CTNND2: variants seen among roughly 807,000 people sequenced by gnomAD.
The protein encoded by CTNND2 is catenin delta 2.
In CTNND2, 22 loss-of-function variants were observed where a neutral mutation model predicts 144.4. The ratio of observed to expected loss-of-function variants is 0.15; its 90% CI spans 0.11 to 0.22. The LOEUF (loss-of-function observed/expected upper bound fraction) is 0.22. Among genes scored for constraint, CTNND2 ranks in the 10% least tolerant of loss-of-function variants. CTNND2 has a pLI of 1.00. For synonymous variants in CTNND2, 751 were observed against 695.6 expected (o/e 1.08, Z -1.25); for missense variants, 1,353 against 1,618.8 (o/e 0.84, Z 2.82).
intron 1 of CTNND2, among the ~76,000 whole-genome samples, chr5:11,751,355 A>G (rs1788606511): frequency 2.0e-5 from 3 of 151,768 alleles, no homozygotes; most frequent in Admixed American, 6.6e-5. Flanking sequence ...ATAGTAGACA[A>G]TAGGTAGTTG....
intron 9 of CTNND2, among the ~76,000 whole-genome samples, chr5:11,342,612 T>C (rs1754387600): frequency 6.6e-6 from 1 of 152,244 alleles, no homozygotes; most frequent in Non-Finnish European, 1.5e-5. Flanking sequence ...CGATTAAAAG[T>C]TGCTATTACT....
intron 2 of CTNND2, among the ~76,000 whole-genome samples, chr5:11,667,884 T>A (rs897195043): frequency 2.6e-5 from 4 of 152,224 alleles, no homozygotes; most frequent in African/African-American, 9.7e-5. Flanking sequence ...TATTCTAGGT[T>A]TTTATGGTTT....
intron 7 of CTNND2, among the ~76,000 whole-genome samples, chr5:11,376,399 T>C (rs1162601551): frequency 2.0e-5 from 3 of 150,848 alleles, no homozygotes; most frequent in Non-Finnish European, 2.9e-5. Context: ...CTACATCAAT[T>C]TTCTATTTTG....
chr5:11,762,320 T>A (rs1789311353), intron 1 of CTNND2, among the ~76,000 whole-genome samples: 1 of 152,120 alleles, frequency 6.6e-6, no homozygotes, highest in South Asian at 2.1e-4. Context: ...TTCAAGGTCA[T>A]ACCCTGAGTC....
Position 11,306,461 on chromosome 5 carries a change from T to C in CTNND2, c.1628+39911A>G, listed in dbSNP as rs193226101. ...TTAGGAAAACAGGCTCCAGGAGCTA[T>C]CATGGGGTGGATCCGAGGATGTCTG... On this transcript the variant is annotated intron_variant, in intron 9 of 21. Transcript: ENST00000304623. Among the ~76,000 whole-genome samples, 90 of 152,310 alleles carry C rather than the reference T, an allele frequency of 5.9e-4. No homozygotes were observed. The East Asian group carries it at 0.017, about 29-fold the overall frequency.
intron 9 of CTNND2, among the ~76,000 whole-genome samples, chr5:11,312,274 C>T (rs1751054900): frequency 6.6e-6 from 1 of 150,844 alleles, no homozygotes; most frequent in Non-Finnish European, 1.5e-5. Flanking sequence ...TCTCCCCCTA[C>T]CCCCCCAACA....
rs1238436271 is a variant in CTNND2, at chr5:11,623,110, TAGTA to T, written c.175-58058_175-58055del. ...CAGCAGAAATAGTCCTTCCTCCATGTAGTACATGAGACTTTCAGCCTCCAGACAG... is the reference window on the plus strand; with the variant it reads ...CAGCAGAAATAGTCCTTCCTCCATGTCATGAGACTTTCAGCCTCCAGACAG... On this transcript the variant is annotated intron_variant, in intron 2 of 21. Coordinates refer to ENST00000304623, the MANE Select transcript of CTNND2 (RefSeq NM_001332.4). Among the ~76,000 whole-genome samples, 3 of 152,196 alleles carry T rather than the reference TAGTA, an allele frequency of 2.0e-5. No homozygotes were observed. In the East Asian group the frequency reaches 5.8e-4, roughly 29 times the overall value.
chr5:11,211,526 G>A (rs1273905930), intron 10 of CTNND2, among the ~76,000 whole-genome samples: 3 of 152,218 alleles, frequency 2.0e-5, no homozygotes, highest in Non-Finnish European at 2.9e-5. Context: ...TATCAAGTCT[G>A]ACTGAAAGAA....
intron 1 of CTNND2, among the ~76,000 whole-genome samples, chr5:11,735,209 G>T (rs1001879331): frequency 9.2e-5 from 14 of 152,288 alleles, no homozygotes; most frequent in African/African-American, 3.1e-4. Context: ...TAATTATGGT[G>T]GTGTGTTAGG....
At chr5:11,039,556 A>AT (rs1320700240) in intron 16 of CTNND2, among the ~76,000 whole-genome samples, 1 of 152,098 alleles carries the variant, frequency 6.6e-6, no homozygotes, top group East Asian at 1.9e-4. Flanking sequence ...AGATGCCTTG[A>AT]TTTTTTTAAA....
In CTNND2 at chr5:10,981,966, T is replaced by C. The variant is rs1003957649; in HGVS notation, c.3344-120A>G. On this transcript the variant is annotated intron_variant, in intron 20 of 21. Coordinates refer to ENST00000304623, the MANE Select transcript of CTNND2 (RefSeq NM_001332.4). ...TTGTTTTCTTGGGGACCATTCCAAG[T>C]AGAAGACATTCTTTGGCCCTGAACA... The C allele has an allele frequency of 1.6e-5, 12 of 740,466 alleles. No homozygotes were observed. In the African/African-American group the frequency reaches 1.9e-4, roughly 12 times the overall value. 45.9% of individuals were successfully genotyped at this position (740,466 alleles called of 1,614,324 possible).
intron 3 of CTNND2, among the ~76,000 whole-genome samples, chr5:11,480,622 G>C (rs1768150937): frequency 6.9e-6 from 1 of 145,636 alleles, no homozygotes; most frequent in South Asian, 2.2e-4. Context: ...AAACATGCTT[G>C]TTCTATGATT....
intron 2 of CTNND2, among the ~76,000 whole-genome samples, chr5:11,596,300 T>C (rs575385042): frequency 6.6e-6 from 1 of 152,344 alleles, no homozygotes; most frequent in Non-Finnish European, 1.5e-5. Context: ...CTCATGTCTT[T>C]ACTTGATATC....
At chr5:11,853,032 G>T (rs1795089427) in intron 1 of CTNND2, among the ~76,000 whole-genome samples, 1 of 152,130 alleles carries the variant, frequency 6.6e-6, no homozygotes, top group Non-Finnish European at 1.5e-5. Context: ...AACCTCGGGA[G>T]ATTAATCAAA....
chr5:10,980,513 A>G (rs1227224620), intron 21 of CTNND2, among the ~76,000 whole-genome samples: 1 of 152,198 alleles, frequency 6.6e-6, no homozygotes, highest in Non-Finnish European at 1.5e-5. Context: ...TTAGAACCAG[A>G]AATACCATTT....
At chr5:11,678,438 C>T (rs1019814951) in intron 2 of CTNND2, among the ~76,000 whole-genome samples, 1 of 152,100 alleles carries the variant, frequency 6.6e-6, no homozygotes, top group African/African-American at 2.4e-5. Context: ...ACCAGCAATC[C>T]ATCACCTAGA....
intron 9 of CTNND2, among the ~76,000 whole-genome samples, chr5:11,241,172 A>G (rs116611102): frequency 0.014 from 2,053 of 149,298 alleles, 51 homozygotes; most frequent in African/African-American, 0.051. Flanking sequence ...ACACACACAG[A>G]CACACACAGA....
chr5:11,767,168 A>C (rs1253246634), intron 1 of CTNND2, among the ~76,000 whole-genome samples: 2 of 152,248 alleles, frequency 1.3e-5, no homozygotes, highest in Non-Finnish European at 2.9e-5. Context: ...GATGCTAAGC[A>C]CATGTGAGGG....
intron 1 of CTNND2, among the ~76,000 whole-genome samples, chr5:11,743,859 C>T (rs917014272): frequency 6.6e-6 from 1 of 152,060 alleles, no homozygotes. Flanking sequence ...CTTGGTGGGT[C>T]AGGAAACCCA....
Sources: gnomAD v4.1 joint callset for allele counts (sites outside exome capture counted in the v4.1 genomes callset) on GRCh38, gnomAD v4.1.1 for gene constraint, MANE v1.5 for transcripts, NCBI Gene and HGNC (gene_info 2026-07-23, HGNC 2026-07-21) for gene names.